Variants in LEMD2 observed in about 807,000 individuals in gnomAD.
The protein encoded by LEMD2 is LEM domain nuclear envelope protein 2.
LEMD2 carries 34 observed loss-of-function variants against 58.8 expected under a neutral mutation model. The ratio of observed to expected loss-of-function variants is 0.58; its 90% confidence interval spans 0.44 to 0.77. The LOEUF (loss-of-function observed/expected upper bound fraction) is 0.77. Among genes scored for constraint, LEMD2 ranks in the 30% least tolerant of loss-of-function variants. The pLI, the probability that LEMD2 is intolerant of heterozygous loss-of-function variation, is 0.00. For synonymous variants in LEMD2, 298 were observed against 308.9 expected (o/e 0.96, Z 0.37); for missense variants, 629 against 717.9 (o/e 0.88, Z 1.42).
At chr6:33,780,629 G>A (rs1767544734) in intron 4 of LEMD2, among the ~76,000 whole-genome samples, 1 of 152,184 alleles carries the variant, frequency 6.6e-6, no homozygotes, top group Non-Finnish European at 1.5e-5. Flanking sequence ...TGACCCCTAA[G>A]TTACTGGACA....
chr6:33,784,492 T>C (rs1016026846), intron 2 of LEMD2, 65 bp from the exon 3 acceptor site: 2 of 834,122 alleles, frequency 2.4e-6, no homozygotes, highest in Non-Finnish European at 4.0e-6. Context: ...TCTGTCCATC[T>C]TTACTTCTCC....
At chr6:33,780,594 T>G (rs1767543763) in intron 4 of LEMD2, among the ~76,000 whole-genome samples, 3 of 152,048 alleles carry the variant, frequency 2.0e-5, no homozygotes. Context: ...AGTTTCTTCA[T>G]CTGTGAAATG....
chr6:33,787,764 G>A (rs756139), intron 1 of LEMD2, among the ~76,000 whole-genome samples: 118,335 of 152,162 alleles, frequency 0.78, 46,331 homozygotes, highest in East Asian at 0.95. Flanking sequence ...TCCTTGAGTC[G>A]TAGTCTCTCT....
chr6:33,788,928 C>T lies in LEMD2; in HGVS notation c.189G>A (p.Arg63=). The T allele has an allele frequency of 6.7e-7, 1 of 1,491,296 alleles. No individual in the cohort carries two copies. The highest frequency in any genetic ancestry group is 1.3e-5 in the South Asian group (1 of 79,136). 92.4% of individuals were successfully genotyped at this position (1,491,296 alleles called of 1,614,324 possible). A position where few individuals can be genotyped will look rare whatever the true frequency, so the allele number is the denominator to read the frequency against. Reference sequence around the variant, plus strand: ...CATCCTCGCGTAACCGGGCCTCTTCCCGTAACCGCTCCTCGCCCCGCGGCC... The same window carrying T: ...CATCCTCGCGTAACCGGGCCTCTTCTCGTAACCGCTCCTCGCCCCGCGGCC... ...EARPRGEERL[R]EEARLREDAP... The change falls in exon 1 of 9, where the codon CGG becomes CGA. Residue 63 remains arginine (R), a synonymous_variant. Transcript: ENST00000293760.
chr6:33,786,648 C>G (rs1278143918), intron 2 of LEMD2, 86 bp downstream of exon 2: 1 of 1,008,322 alleles, frequency 9.9e-7, no homozygotes, highest in African/African-American at 1.6e-5. Flanking sequence ...GAAAATGATC[C>G]TATTCTTTTT....
chr6:33,772,813 G>A, intron 8 of LEMD2, 35 bp from the exon 9 acceptor site: 1 of 1,592,378 alleles, frequency 6.3e-7, no homozygotes. Context: ...GCCTGGCACT[G>A]CCGAGGTGAG....
intron 2 of LEMD2, 154 bp from the exon 3 acceptor site, chr6:33,784,581 G>C: frequency 1.7e-6 from 1 of 603,112 alleles, no homozygotes; most frequent in East Asian, 2.8e-5. Flanking sequence ...CAAGTGCTGG[G>C]CCTAGGGAGA....
intron 6 of LEMD2, 110 bp from the exon 7 acceptor site, chr6:33,777,349 G>T: frequency 1.2e-6 from 1 of 803,560 alleles, no homozygotes; most frequent in South Asian, 1.4e-5. Flanking sequence ...CATGGGTTTG[G>T]GTACCTACTA....
Position 33,789,109 on chromosome 6 carries a change from C to A in LEMD2, c.8G>T (p.Gly3Val). Reference protein sequence around the residue: MAGLSDLELRREL... With the variant: MAVLSDLELRREL... ...CCGCCGCAGTTCCAGGTCCGACAGG[C>A]CGGCCATGGCCAGGACGCCGCCCCC... Residue 3 changes from glycine (G) to valine (V), a missense_variant, in exon 1 of 9, where the codon GGC becomes GTC. Gly to Val is a moderately radical substitution (Grantham distance 109). Transcript: ENST00000293760. 6.5e-7 allele frequency: 1 copy of A among 1,528,108 alleles called. No individual in the cohort carries two copies. The highest frequency in any genetic ancestry group is 8.7e-7 in the Non-Finnish European group (1 of 1,147,848). The allele number at this position is 1,528,108 out of a possible 1,614,324, so 94.7% of individuals were successfully genotyped here. A position where few individuals can be genotyped will look rare whatever the true frequency, so the allele number is the denominator to read the frequency against.
chr6:33,774,429 C>CT (rs1767383167), intron 8 of LEMD2, among the ~76,000 whole-genome samples: 17 of 123,386 alleles, frequency 1.4e-4, no homozygotes, highest in African/African-American at 5.1e-4. Context: ...CTTGGTCTCC[C>CT]ATTTTTTTTT....
chr6:33,781,407 A>G, intron 3 of LEMD2: 1 of 482,538 alleles, frequency 2.1e-6, no homozygotes, highest in East Asian at 3.3e-5. Context: ...GCTGCCCAAT[A>G]GCAAGGTCTC....
chr6:33,783,644 G>C (rs1327846305), intron 3 of LEMD2, among the ~76,000 whole-genome samples: 3 of 152,224 alleles, frequency 2.0e-5, no homozygotes, highest in Non-Finnish European at 4.4e-5. Flanking sequence ...AATGCAGGTG[G>C]TATCTCTGGC....
intron 3 of LEMD2, chr6:33,781,396 A>G (rs565287344): frequency 3.9e-6 from 2 of 507,360 alleles, no homozygotes; most frequent in Non-Finnish European, 7.0e-6. Flanking sequence ...ATGACTAAAA[A>G]GCTGCCCAAT....
Position 33,788,791 on chromosome 6 carries a change from G to T in LEMD2, c.326C>A (p.Pro109His), listed in dbSNP as rs1275402500. 6.9e-7 allele frequency: 1 copy of T among 1,453,832 alleles called. No homozygotes were observed. The highest frequency in any genetic ancestry group is 1.5e-5 in the African/African-American group (1 of 68,226). The allele number at this position is 1,453,832 out of a possible 1,614,324, so 90.1% of individuals were successfully genotyped here. ...ATPGAYGDIRPSAASWVGSRG... is the reference protein window; with the variant it reads ...ATPGAYGDIRHSAASWVGSRG... ...GCTCCCTACCCAGGAAGCCGCGGAG[G>T]GCCGGATATCACCGTAGGCCCCAGG... is the stretch of plus-strand genomic sequence containing the variant. Residue 109 changes from proline (P) to histidine (H), a missense_variant, in exon 1 of 9, where the codon CCC becomes CAC. Transcript: ENST00000293760.
intron 4 of LEMD2, 91 bp from the exon 5 acceptor site, chr6:33,780,270 G>A (rs535558555): frequency 2.0e-5 from 23 of 1,135,160 alleles, no homozygotes; most frequent in African/African-American, 1.4e-4. Flanking sequence ...GCCCTCTCCC[G>A]TGTCCTCCAC....
chr6:33,780,968 T>C (rs1011831313), intron 4 of LEMD2, 109 bp downstream of exon 4: 3 of 715,974 alleles, frequency 4.2e-6, no homozygotes, highest in South Asian at 1.7e-5. Context: ...GGTAGCCTAG[T>C]ACAAAAGCCA....
At chr6:33,776,909 G>C in intron 8 of LEMD2, 45 bp downstream of exon 8, 1 of 1,483,898 alleles carries the variant, frequency 6.7e-7, no homozygotes, top group Non-Finnish European at 9.4e-7. Context: ...CAGTGGGGTC[G>C]GACCCCATCT....
chr6:33,778,284 C>T lies in LEMD2; in HGVS notation c.1114G>A (p.Ala372Thr), dbSNP rs1417338053. The T allele has an allele frequency of 2.5e-6, 4 of 1,608,836 alleles. No individual in the cohort carries two copies. The highest frequency in any genetic ancestry group is 3.4e-6 in the Non-Finnish European group (4 of 1,177,426). Reference protein sequence around the residue: ...RMGVGCRLSRALLTAVTNVLI... With the variant: ...RMGVGCRLSRTLLTAVTNVLI... ...ACGTTGGTGACAGCAGTGAGCAAGGCCCGGCTCAGGCGGCAGCCAACACCC... is the reference window on the plus strand; with the variant it reads ...ACGTTGGTGACAGCAGTGAGCAAGGTCCGGCTCAGGCGGCAGCCAACACCC... The change falls in exon 6 of 9, where the codon GCC becomes ACC. Residue 372 changes from alanine (A) to threonine (T), a missense_variant. Around this residue, in one of 2 missense-constraint regions of LEMD2, gnomAD observed 243 missense variants for 336.8 expected, o/e 0.72. Coordinates refer to ENST00000293760, the MANE Select transcript of LEMD2 (RefSeq NM_181336.4). This position sits in a 1 kb window ranked among gnomAD's most constrained non-coding sequence, Gnocchi z 4.7.
At chr6:33,780,839 C>A (rs1767549725) in intron 4 of LEMD2, among the ~76,000 whole-genome samples, 1 of 152,190 alleles carries the variant, frequency 6.6e-6, no homozygotes, top group African/African-American at 2.4e-5. Context: ...TACAGTGCAG[C>A]AGTCAGGAGT....
Sources: gnomAD v4.1 joint callset for allele counts (sites outside exome capture counted in the v4.1 genomes callset) on GRCh38, gnomAD v4.1.1 for gene constraint, gnomAD v4.1.1 regional missense constraint, Gnocchi (gnomAD v3.1) non-coding constraint, MANE v1.5 for transcripts, NCBI Gene and HGNC (gene_info 2026-07-23, HGNC 2026-07-21) for gene names.